CDC42BPA: variants seen among roughly 807,000 people sequenced by gnomAD.
CDC42BPA encodes the protein CDC42 binding protein kinase alpha, also known as serine/threonine-protein kinase MRCK alpha.
Under a neutral mutation model 223.5 loss-of-function variants are expected in CDC42BPA, and 80 were observed. The observed-to-expected ratio is 0.36, with a 90% CI of 0.30 to 0.43. The LOEUF is 0.43. Ranked by LOEUF, CDC42BPA falls within the 20% of genes least tolerant of loss-of-function variation. The pLI is 1.00. For synonymous variants in CDC42BPA, 694 were observed against 718.6 expected, an observed-to-expected ratio of 0.97 and a Z score of 0.55; for missense variants, 1,743 against 2,099.9, an observed-to-expected ratio of 0.83 and a Z score of 3.32.
chr1:227,127,992 C>A (rs180958424), intron 11 of CDC42BPA, among the ~76,000 whole-genome samples: 1 of 152,252 alleles, frequency 6.6e-6, no homozygotes, highest in East Asian at 1.9e-4. Flanking sequence ...TCATGTAATG[C>A]CTCTAAACCC....
At chr1:227,053,810 G>C (rs1487339970) in intron 21 of CDC42BPA, among the ~76,000 whole-genome samples, 1 of 152,200 alleles carries the variant, frequency 6.6e-6, no homozygotes, top group Non-Finnish European at 1.5e-5. Context: ...GACAGCCATG[G>C]AGAAAGTAAT....
intron 23 of CDC42BPA, among the ~76,000 whole-genome samples, chr1:227,045,978 G>A (rs745924507): frequency 6.6e-6 from 1 of 151,920 alleles, no homozygotes; most frequent in Non-Finnish European, 1.5e-5. Context: ...GCTAATTTTT[G>A]TATTTTTCAT....
intron 10 of CDC42BPA, among the ~76,000 whole-genome samples, chr1:227,131,828 C>T (rs956438032): frequency 6.6e-6 from 1 of 152,232 alleles, no homozygotes; most frequent in Admixed American, 6.5e-5. Flanking sequence ...AGAATTCTCA[C>T]ATCTGCAGCC....
intron 10 of CDC42BPA, among the ~76,000 whole-genome samples, chr1:227,132,479 T>C (rs56915445): frequency 0.04 from 4,109 of 101,930 alleles, 322 homozygotes; most frequent in African/African-American, 0.096. Context: ...CTCGGCTCGC[T>C]ACAACATCTA....
chr1:227,134,076 T>C (rs1046017181), intron 10 of CDC42BPA, among the ~76,000 whole-genome samples: 2 of 152,192 alleles, frequency 1.3e-5, no homozygotes, highest in African/African-American at 4.8e-5. Context: ...TCTGTACAGC[T>C]TACTACTCTA....
chr1:227,262,211 T>C (rs192520531), intron 1 of CDC42BPA, among the ~76,000 whole-genome samples: 4 of 151,774 alleles, frequency 2.6e-5, no homozygotes, highest in Non-Finnish European at 5.9e-5. Context: ...GAAATACAAA[T>C]AATGAAAGAA....
chr1:227,060,868 C>T (rs547072137), intron 21 of CDC42BPA, among the ~76,000 whole-genome samples: 7 of 151,580 alleles, frequency 4.6e-5, no homozygotes, highest in South Asian at 2.1e-4. Flanking sequence ...ATTACAAGTG[C>T]GCGCCACCAT....
At position 227,254,108 on chromosome 1, in the gene CDC42BPA, C is replaced by A; in HGVS notation, c.226G>T (p.Asp76Tyr). ...KVKQMRLHRE[D>Y]FEILKVIGRG... ...CCAATCACCTTTAATATTTCAAAGT[C>A]TTCTCTATGTAATCGCATTTGTTTC... Residue 76 changes from aspartate to tyrosine, a missense_variant, in exon 2 of 37, where the codon GAC (aspartate) becomes TAC (tyrosine). This residue lies in a region of CDC42BPA where 321 missense variants were observed against 488.7 expected (regional missense o/e 0.66). Transcript: ENST00000366766. 6.2e-7 allele frequency: 1 copy of A among 1,602,328 alleles called. No individual in the cohort carries two copies. Among genetic ancestry groups the A allele is most frequent in the South Asian group, 1.1e-5 (1 of 89,608 alleles).
intron 5 of CDC42BPA, chr1:227,178,352 GC>G (rs1410971995): frequency 2.0e-5 from 3 of 152,964 alleles, no homozygotes; most frequent in African/African-American, 7.2e-5. Context: ...TTCTCTCTTT[GC>G]CTGCTGCCAT....
chr1:227,144,693 G>C (rs1247705948), intron 8 of CDC42BPA, among the ~76,000 whole-genome samples: 1 of 151,172 alleles, frequency 6.6e-6, no homozygotes, highest in Non-Finnish European at 1.5e-5. Flanking sequence ...GGTTATAGCA[G>C]AGGTCAATAT....
chr1:227,302,898 T>A (rs367803894), intron 1 of CDC42BPA, among the ~76,000 whole-genome samples: 22,692 of 151,984 alleles, frequency 0.15, 2,027 homozygotes, highest in African/African-American at 0.24. Context: ...TTCAAAGAAC[T>A]TTTTTCATTC....
chr1:227,100,163 G>A (rs575470286), intron 15 of CDC42BPA, among the ~76,000 whole-genome samples: 1 of 151,966 alleles, frequency 6.6e-6, no homozygotes, highest in South Asian at 2.1e-4. Context: ...TGCTTATTAC[G>A]TTCTCCAGGT....
At chr1:227,261,387 G>T (rs1054476096) in intron 1 of CDC42BPA, among the ~76,000 whole-genome samples, 3 of 150,648 alleles carry the variant, frequency 2.0e-5, no homozygotes, top group Non-Finnish European at 4.4e-5. Context: ...AAATGCTGGG[G>T]TTACAGGCCT....
At chr1:227,073,630 T>C (rs1451639205) in intron 19 of CDC42BPA, among the ~76,000 whole-genome samples, 1 of 152,138 alleles carries the variant, frequency 6.6e-6, no homozygotes, top group African/African-American at 2.4e-5. Context: ...AATGGAATAT[T>C]ATTTAATACT....
chr1:227,180,343 C>T (rs1667730444), intron 5 of CDC42BPA: 1 of 152,082 alleles, frequency 6.6e-6, no homozygotes, highest in South Asian at 2.1e-4. Flanking sequence ...TATAAAATTT[C>T]ATTTTATGAA....
At chr1:227,296,674 C>T (rs915288892) in intron 1 of CDC42BPA, among the ~76,000 whole-genome samples, 1 of 147,592 alleles carries the variant, frequency 6.8e-6, no homozygotes, top group Non-Finnish European at 1.5e-5. Flanking sequence ...CCACTGCACT[C>T]CAGCCTGGGA....
chr1:227,175,553 CT>C (rs1251490004), intron 5 of CDC42BPA, among the ~76,000 whole-genome samples: 1 of 152,122 alleles, frequency 6.6e-6, no homozygotes, highest in Non-Finnish European at 1.5e-5. Flanking sequence ...TTCAGTTCAT[CT>C]CCAAGGCACT....
At chr1:227,286,921 T>C (rs1219116569) in intron 1 of CDC42BPA, among the ~76,000 whole-genome samples, 3 of 152,042 alleles carry the variant, frequency 2.0e-5, no homozygotes, top group Admixed American at 6.6e-5. Context: ...TGGGGAGGTA[T>C]CAGGCTCTTT....
chr1:227,260,404 C>A (rs1558893990), intron 1 of CDC42BPA, among the ~76,000 whole-genome samples: 1 of 150,964 alleles, frequency 6.6e-6, no homozygotes, highest in African/African-American at 2.5e-5. Flanking sequence ...GTATACCTTG[C>A]AAGGTACATC....
Sources: allele counts gnomAD v4.1 joint callset (sites outside exome capture counted in the v4.1 genomes callset), GRCh38; gene constraint gnomAD v4.1.1; regional missense constraint gnomAD v4.1.1; transcripts MANE v1.5; gene names NCBI Gene and HGNC (gene_info 2026-07-23, HGNC 2026-07-21).